CNOT10: variants seen among roughly 807,000 people sequenced by gnomAD.
The protein encoded by CNOT10 is CCR4-NOT transcription complex subunit 10.
In CNOT10, 30 loss-of-function variants were observed where a neutral mutation model predicts 94.6. The observed-to-expected ratio is 0.32, with a 90% CI of 0.24 to 0.43. CNOT10 has a LOEUF of 0.43. Ranked by LOEUF, CNOT10 falls within the 20% of genes least tolerant of loss-of-function variation. CNOT10 has a pLI of 1.00. For missense variants in CNOT10, 759 were observed against 877.2 expected, an observed-to-expected ratio of 0.87 and a Z score of 1.70; for synonymous variants, 289 against 301.6, an observed-to-expected ratio of 0.96 and a Z score of 0.43.
intron 17 of CNOT10, among the ~76,000 whole-genome samples, chr3:32,767,975 G>C (rs945084467): frequency 6.6e-6 from 1 of 152,148 alleles, no homozygotes; most frequent in Admixed American, 6.6e-5. Flanking sequence ...GGGGTCTGAA[G>C]GGGGTTTTGT....
chr3:32,702,065 T>G (rs2125510598), intron 1 of CNOT10, among the ~76,000 whole-genome samples: 1 of 151,454 alleles, frequency 6.6e-6, no homozygotes, highest in South Asian at 2.1e-4. Flanking sequence ...CCCAAAATGC[T>G]GGGATTACGG....
chr3:32,724,013 G>A (rs908695755), intron 8 of CNOT10, among the ~76,000 whole-genome samples: 3 of 152,082 alleles, frequency 2.0e-5, no homozygotes, highest in East Asian at 3.9e-4. Flanking sequence ...CCAGGAGGTC[G>A]ATGCTGCAGT....
At position 32,741,768 on chromosome 3, in the gene CNOT10, C is replaced by CAAAAAAAAAAAAAAAAAAA. The variant is rs529423159; in HGVS notation, c.1595+4293_1595+4294insAAAAAAAAAAAAAAAAAAA. Among the ~76,000 whole-genome samples, 281 of 86,416 alleles carry CAAAAAAAAAAAAAAAAAAA rather than the reference C, an allele frequency of 3.3e-3. 1 individual carries two copies. Among genetic ancestry groups the CAAAAAAAAAAAAAAAAAAA allele is most frequent in the Non-Finnish European group, 5.0e-3 (215 of 43,234 alleles). 56.7% of individuals were successfully genotyped at this position (86,416 alleles called of 152,430 possible). ...TGGGCGACAGAGCGAGACTCCGTCT[C>CAAAAAAAAAAAAAAAAAAA]AAAAAAAAAAAAAAACAGAAGAAAA... On this transcript the variant is annotated intron_variant, in intron 13 of 18. Coordinates refer to ENST00000328834, the MANE Select transcript of CNOT10 (RefSeq NM_015442.3).
intron 10 of CNOT10, among the ~76,000 whole-genome samples, chr3:32,729,712 A>C (rs1001260926): frequency 2.2e-5 from 3 of 136,998 alleles, no homozygotes; most frequent in African/African-American, 8.2e-5. Flanking sequence ...CAACTTTCTT[A>C]TTGGTTAATT....
intron 4 of CNOT10, among the ~76,000 whole-genome samples, chr3:32,709,571 C>G (rs543691975): frequency 6.6e-6 from 1 of 152,180 alleles, no homozygotes; most frequent in African/African-American, 2.4e-5. Flanking sequence ...GTAGAGAGTC[C>G]CCTTTTGCTG....
At chr3:32,735,214 A>G (rs1217271196) in intron 12 of CNOT10, among the ~76,000 whole-genome samples, 1 of 152,206 alleles carries the variant, frequency 6.6e-6, no homozygotes, top group Non-Finnish European at 1.5e-5. Context: ...CTTTGGCCGG[A>G]CGCAGTGGCT....
At chr3:32,707,159 C>T (rs1697659870) in intron 3 of CNOT10, among the ~76,000 whole-genome samples, 1 of 152,070 alleles carries the variant, frequency 6.6e-6, no homozygotes, top group Non-Finnish European at 1.5e-5. Context: ...AGTAGACTTC[C>T]AGTTTCATGT....
intron 14 of CNOT10, among the ~76,000 whole-genome samples, chr3:32,761,859 A>G (rs549584776): frequency 1.4e-5 from 2 of 143,188 alleles, no homozygotes; most frequent in South Asian, 4.4e-4. Context: ...CACAGCTTCC[A>G]TCTCCCGGGT....
chr3:32,708,677 C>T lies in CNOT10; in HGVS notation c.287C>T (p.Ser96Leu), dbSNP rs1697733529. ...CTGTTGATTGCTTTATAGGTCCACTCAGCTGTTGAAGAAATGGATGGATTA... is the reference window on the plus strand; with the variant it reads ...CTGTTGATTGCTTTATAGGTCCACTTAGCTGTTGAAGAAATGGATGGATTA... ...TLNQLKNQVHSAVEEMDGLDD... is the reference protein window; with the variant it reads ...TLNQLKNQVHLAVEEMDGLDD... Residue 96 changes from serine to leucine, a missense_variant, in exon 4 of 19, where the codon TCA (serine) becomes TTA (leucine). Coordinates refer to ENST00000328834, the MANE Select transcript of CNOT10 (RefSeq NM_015442.3). The T allele has an allele frequency of 2.5e-6, 4 of 1,610,724 alleles. No individual in the cohort carries two copies. The highest frequency in any genetic ancestry group is 1.1e-5 in the South Asian group (1 of 90,542).
At chr3:32,730,400 T>C (rs1001510208) in intron 10 of CNOT10, among the ~76,000 whole-genome samples, 2 of 151,850 alleles carry the variant, frequency 1.3e-5, no homozygotes, top group East Asian at 3.9e-4. Flanking sequence ...TCTAGAAAAG[T>C]TGTAAATTTG....
chr3:32,695,905 C>G, intron 1 of CNOT10: 1 of 1,192,708 alleles, frequency 8.4e-7, no homozygotes, highest in Non-Finnish European at 1.2e-6. Flanking sequence ...ATACCCATTT[C>G]TGGCAGAAAA....
chr3:32,689,540 C>T (rs765739836), intron 1 of CNOT10, among the ~76,000 whole-genome samples: 4 of 151,902 alleles, frequency 2.6e-5, no homozygotes, highest in Admixed American at 6.6e-5. Flanking sequence ...TGTACAGAAC[C>T]CTTGCTTGGA....
In CNOT10 at chr3:32,725,579, G is replaced by C. The variant is rs766685444; in HGVS notation, c.992G>C (p.Ser331Thr). The change falls in exon 9 of 19, where the codon AGT becomes ACT. Residue 331 changes from serine to threonine, a missense_variant. Physicochemically the swap from Ser to Thr is moderately conservative, Grantham distance 58. This residue lies in a region of CNOT10 where 682 missense variants were observed against 799.4 expected (regional missense o/e 0.85). Transcript: ENST00000328834. ...QENDNVCAQL[S>T]AGSTDPGKKF... ...AATGACAATGTCTGTGCACAGCTCA[G>C]TGCAGGTAGCACTGATCCAGGTAAG... The C allele has an allele frequency of 3.1e-6, 5 of 1,613,880 alleles. No homozygotes were observed. The African/African-American group carries it at 6.7e-5, about 22-fold the overall frequency.
intron 12 of CNOT10, 120 bp from the exon 13 acceptor site, chr3:32,737,290 G>A: frequency 1.6e-6 from 1 of 623,800 alleles, no homozygotes; most frequent in East Asian, 2.9e-5. Context: ...ACTCCATCCT[G>A]AGCGACGAGC....
chr3:32,716,132 T>C, intron 5 of CNOT10, 93 bp from the exon 6 acceptor site: 1 of 622,288 alleles, frequency 1.6e-6, no homozygotes, highest in Non-Finnish European at 2.7e-6. Flanking sequence ...AAATGCTCTC[T>C]AGGTAATTTA....
intron 10 of CNOT10, among the ~76,000 whole-genome samples, chr3:32,732,356 C>T (rs191271773): frequency 2.3e-4 from 35 of 152,056 alleles, no homozygotes; most frequent in Non-Finnish European, 3.4e-4. Flanking sequence ...CACCGCTGCA[C>T]CCAAGCCTAA....
rs1698748831 is a variant in CNOT10 at position 32,727,828 on chromosome 3, C to T, written c.1173C>T (p.Leu391=). ...AGGTTTATCATGCAAATCCTCGCCTCTGGCTACGGCTGGCTGAATGCTGCA... is the reference window on the plus strand; with the variant it reads ...AGGTTTATCATGCAAATCCTCGCCTTTGGCTACGGCTGGCTGAATGCTGCA... The part of the protein sequence containing the change: ...AVQVYHANPR[L]WLRLAECCIA... Residue 391 remains leucine, a synonymous_variant, in exon 10 of 19, where the codon CTC becomes CTT. Coordinates refer to ENST00000328834, the MANE Select transcript of CNOT10 (RefSeq NM_015442.3). 1 of 1,613,360 alleles carries T rather than the reference C, an allele frequency of 6.2e-7. No individual in the cohort carries two copies. Among genetic ancestry groups the T allele is most frequent in the South Asian group, 1.1e-5 (1 of 91,010 alleles).
chr3:32,703,876 G>A lies in CNOT10; in HGVS notation c.31G>A (p.Ala11Thr). ...AATTTGTGTGTTTGCAGATCAGGGA[G>A]CAGAGAAACATGAAGGCACAGGTCA... Reference protein sequence around the residue: MAADKPADQGAEKHEGTGQSS... With the variant: MAADKPADQGTEKHEGTGQSS... Residue 11 changes from alanine (A) to threonine (T), a missense_variant, in exon 2 of 19, where the codon GCA becomes ACA. Ala to Thr is a moderately conservative substitution (Grantham distance 58). Transcript: ENST00000328834. 1 of 1,612,164 alleles carries A rather than the reference G, an allele frequency of 6.2e-7. No homozygotes were observed. The highest frequency in any genetic ancestry group is 1.3e-5 in the African/African-American group (1 of 74,992).
intron 10 of CNOT10, among the ~76,000 whole-genome samples, chr3:32,728,525 A>T (rs762240634): frequency 2.0e-5 from 3 of 151,992 alleles, no homozygotes; most frequent in Non-Finnish European, 4.4e-5. Context: ...AAGCGGGAAG[A>T]TCGTTTGAGC....
Sources: gnomAD v4.1 joint callset for allele counts (sites outside exome capture counted in the v4.1 genomes callset) on GRCh38, gnomAD v4.1.1 for gene constraint, gnomAD v4.1.1 regional missense constraint, MANE v1.5 for transcripts, NCBI Gene and HGNC (gene_info 2026-07-23, HGNC 2026-07-21) for gene names.